RNF180: variants seen among roughly 807,000 people sequenced by gnomAD.
RNF180 encodes the protein E3 ubiquitin-protein ligase RNF180.
In RNF180, 38 loss-of-function variants were observed where a neutral mutation model predicts 59.2. The ratio of observed to expected loss-of-function variants is 0.64; its 90% CI spans 0.50 to 0.84. The LOEUF is 0.84. RNF180 is among the 40% of genes least tolerant of loss of function. The pLI, the probability that RNF180 is intolerant of heterozygous loss-of-function variation, is 0.00. For missense variants in RNF180, 705 were observed against 700.9 expected (o/e 1.01, Z -0.07); for synonymous variants, 262 against 240.3 (o/e 1.09, Z -0.84).
intron 4 of RNF180, 36 bp downstream of exon 4, chr5:64,214,553 A>T: frequency 6.4e-7 from 1 of 1,572,592 alleles, no homozygotes; most frequent in Non-Finnish European, 8.7e-7. Flanking sequence ...AAAAATCTGT[A>T]TTATAAATAC....
chr5:64,350,095 A>G (rs1745734680), intron 7 of RNF180, among the ~76,000 whole-genome samples: 1 of 152,096 alleles, frequency 6.6e-6, no homozygotes, highest in Middle Eastern at 3.2e-3. Flanking sequence ...CTGACTTTTT[A>G]ATGATCACCA....
chr5:64,252,445 CA>C (rs1743643940), intron 5 of RNF180, among the ~76,000 whole-genome samples: 1 of 152,032 alleles, frequency 6.6e-6, no homozygotes, highest in African/African-American at 2.4e-5. Flanking sequence ...GTTCTCACCA[CA>C]AAAATGATAA....
intron 1 of RNF180, among the ~76,000 whole-genome samples, chr5:64,170,503 G>A (rs1470887614): frequency 6.6e-6 from 1 of 152,158 alleles, no homozygotes; most frequent in Non-Finnish European, 1.5e-5. Flanking sequence ...TTTGGGTTTG[G>A]CAGGACAGAT....
chr5:64,286,971 A>AT (rs1742322480), intron 5 of RNF180, among the ~76,000 whole-genome samples: 1 of 152,040 alleles, frequency 6.6e-6, no homozygotes, highest in Non-Finnish European at 1.5e-5. Context: ...GTCCAGATTT[A>AT]TTTATTTATT....
At chr5:64,331,003 C>T (rs761843170) in intron 7 of RNF180, among the ~76,000 whole-genome samples, 7 of 152,248 alleles carry the variant, frequency 4.6e-5, no homozygotes, top group Non-Finnish European at 1.0e-4. Flanking sequence ...CTCCATGCTC[C>T]TGGCACCCAC....
At chr5:64,329,224 C>T (rs138426067) in intron 6 of RNF180, among the ~76,000 whole-genome samples, 201 of 152,212 alleles carry the variant, frequency 1.3e-3, no homozygotes, top group African/African-American at 4.6e-3. Context: ...CACTATCACT[C>T]CTGAGCTCAG....
chr5:64,303,348 C>T (rs1743258424), intron 5 of RNF180, among the ~76,000 whole-genome samples: 1 of 151,566 alleles, frequency 6.6e-6, no homozygotes, highest in Non-Finnish European at 1.5e-5. Context: ...CACTTTACAA[C>T]AAAAGCTATA....
chr5:64,340,907 CTCCTT>C (rs1413566478), intron 7 of RNF180, among the ~76,000 whole-genome samples: 4 of 152,066 alleles, frequency 2.6e-5, no homozygotes, highest in South Asian at 2.1e-4. Flanking sequence ...GTTTCATTCT[CTCCTT>C]TCCTCCCTCC....
intron 2 of RNF180, among the ~76,000 whole-genome samples, chr5:64,210,918 C>T (rs1286541399): frequency 6.6e-6 from 1 of 152,068 alleles, no homozygotes; most frequent in East Asian, 1.9e-4. Context: ...TGGGAAGAGA[C>T]CCTCAAATCC....
chr5:64,247,121 T>C (rs1333488067), intron 5 of RNF180, among the ~76,000 whole-genome samples: 2 of 152,054 alleles, frequency 1.3e-5, no homozygotes, highest in African/African-American at 4.8e-5. Context: ...CTCAAAATAA[T>C]AAGAGCTATT....
At chr5:64,324,063 T>A (rs938345004) in intron 5 of RNF180, among the ~76,000 whole-genome samples, 1 of 152,228 alleles carries the variant, frequency 6.6e-6, no homozygotes, top group African/African-American at 2.4e-5. Context: ...AATTTTACCA[T>A]AGGCTAATTG....
At chr5:64,343,778 C>T (rs1051402837) in intron 7 of RNF180, among the ~76,000 whole-genome samples, 2 of 151,446 alleles carry the variant, frequency 1.3e-5, no homozygotes, top group African/African-American at 4.8e-5. Context: ...GCAAAAATAT[C>T]CTTAAAAAAT....
At chr5:64,166,612 T>G (rs1677385714) in intron 1 of RNF180, among the ~76,000 whole-genome samples, 1 of 152,226 alleles carries the variant, frequency 6.6e-6, no homozygotes, top group East Asian at 1.9e-4. Context: ...CCACCTTGTT[T>G]TTTTTCGAGA....
chr5:64,314,679 A>T (rs544339867), intron 5 of RNF180, among the ~76,000 whole-genome samples: 2 of 152,176 alleles, frequency 1.3e-5, no homozygotes, highest in Non-Finnish European at 2.9e-5. Flanking sequence ...AAACTATTGC[A>T]TGTTGTATAA....
At chr5:64,258,080 A>C (rs1425542190) in intron 5 of RNF180, among the ~76,000 whole-genome samples, 4 of 152,206 alleles carry the variant, frequency 2.6e-5, no homozygotes, top group African/African-American at 9.6e-5. Context: ...GAGAGTCCTT[A>C]CATGAAATCT....
At chr5:64,179,079 A>G (rs1478698208) in intron 1 of RNF180, among the ~76,000 whole-genome samples, 1 of 152,324 alleles carries the variant, frequency 6.6e-6, no homozygotes, top group Admixed American at 6.5e-5. Flanking sequence ...TTTAGTAACT[A>G]AGGCTTAAAT....
At chr5:64,235,307 A>G (rs911725338) in intron 5 of RNF180, among the ~76,000 whole-genome samples, 9 of 152,170 alleles carry the variant, frequency 5.9e-5, no homozygotes, top group Non-Finnish European at 8.8e-5. Context: ...AAAACACCAA[A>G]GCAGGCTATA....
chr5:64,220,863 A>T (rs10471607), intron 5 of RNF180, among the ~76,000 whole-genome samples: 43,375 of 151,914 alleles, frequency 0.29, 6,425 homozygotes, highest in African/African-American at 0.35. Flanking sequence ...TGAGTCATCT[A>T]CAGTAATTCT....
intron 7 of RNF180, among the ~76,000 whole-genome samples, chr5:64,345,277 G>A (rs1745512281): frequency 6.6e-6 from 1 of 152,080 alleles, no homozygotes; most frequent in South Asian, 2.1e-4. Context: ...GTGCCCTCTG[G>A]AGCTCCGCAG....
Sources: allele counts gnomAD v4.1 joint callset (sites outside exome capture counted in the v4.1 genomes callset), GRCh38; gene constraint gnomAD v4.1.1; transcripts MANE v1.5; gene names NCBI Gene and HGNC (gene_info 2026-07-23, HGNC 2026-07-21).